DMD: variants seen among roughly 807,000 people sequenced by gnomAD.
The protein encoded by DMD is dystrophin, also known as mutant dystrophin.
A neutral mutation model predicts 330.1 loss-of-function variants in DMD; 63 were observed. The observed-to-expected ratio is 0.19, with a 90% confidence interval of 0.16 to 0.24. DMD has a LOEUF of 0.24. Among genes scored for constraint, DMD ranks in the 10% least tolerant of loss-of-function variants. DMD has a pLI of 1.00. For missense variants in DMD, 3,344 were observed against 2,684.1 expected, an observed-to-expected ratio of 1.25 and a Z score of -5.43; for synonymous variants, 1,223 against 959.8, an observed-to-expected ratio of 1.27 and a Z score of -5.07.
intron 1 of DMD, among the ~76,000 whole-genome samples, chrX:33,144,702 G>T (rs1440732596): frequency 9.0e-6 from 1 of 111,502 alleles, no homozygotes; most frequent in Non-Finnish European, 1.9e-5. Flanking sequence ...GAAAATCAGA[G>T]TTTTCACAGA....
intron 1 of DMD, among the ~76,000 whole-genome samples, chrX:33,309,950 T>C (rs1204810150): frequency 9.0e-6 from 1 of 111,253 alleles, no homozygotes; most frequent in East Asian, 2.8e-4. Context: ...ATTCATTAGC[T>C]ATCATGGTCT....
chrX:31,914,755 AG>A (rs757194796), intron 47 of DMD, among the ~76,000 whole-genome samples: 1 of 112,210 alleles, frequency 8.9e-6, no homozygotes, highest in African/African-American at 3.2e-5. Context: ...GGAGTCGGGG[AG>A]GGGGCAGCGG....
chrX:32,300,415 T>G (rs747839900), intron 42 of DMD, among the ~76,000 whole-genome samples: 59 of 111,177 alleles, frequency 5.3e-4, no homozygotes, highest in African/African-American at 1.9e-3. Context: ...AAAAAGTCCT[T>G]TATTCAGAAT....
chrX:31,298,530 A>C (rs896751502), intron 62 of DMD, among the ~76,000 whole-genome samples: 2 of 111,933 alleles, frequency 1.8e-5, no homozygotes, highest in African/African-American at 6.5e-5. Context: ...AATTCCGTCT[A>C]AACATGAATG....
intron 52 of DMD, among the ~76,000 whole-genome samples, chrX:31,698,000 T>G (rs2083554841): frequency 8.9e-6 from 1 of 112,047 alleles, no homozygotes; most frequent in Non-Finnish European, 1.9e-5. Flanking sequence ...AATTCAATAA[T>G]GAATAAAAGC....
intron 1 of DMD, among the ~76,000 whole-genome samples, chrX:33,182,869 C>T (rs2050067596): frequency 8.9e-6 from 1 of 111,970 alleles, no homozygotes; most frequent in Non-Finnish European, 1.9e-5. Flanking sequence ...TTTTATAAAG[C>T]TGACAATAAG....
chrX:32,862,959 G>A (rs906807356), intron 2 of DMD, among the ~76,000 whole-genome samples: 1 of 110,050 alleles, frequency 9.1e-6, no homozygotes, highest in Non-Finnish European at 1.9e-5. Context: ...GGCTGGTCTC[G>A]ACCTCCTGAC....
intron 21 of DMD, among the ~76,000 whole-genome samples, chrX:32,474,206 C>CACACACACAG (rs1569564345): frequency 3.5e-5 from 1 of 28,569 alleles, no homozygotes; most frequent in African/African-American, 5.9e-5. Context: ...TACATACATA[C>CACACACACAG]ATACACACAC....
intron 63 of DMD, 145 bp downstream of exon 63, chrX:31,260,810 A>G (rs927930937): frequency 1.4e-5 from 7 of 502,125 alleles, no homozygotes; most frequent in African/African-American, 9.6e-5. Flanking sequence ...CTGACTGTCA[A>G]TTTTGGATAG....
intron 7 of DMD, among the ~76,000 whole-genome samples, chrX:32,731,190 T>G (rs1032703709): frequency 8.9e-6 from 1 of 112,206 alleles, no homozygotes; most frequent in East Asian, 2.8e-4. Flanking sequence ...ACCCGAATAC[T>G]GCGTGTTTCC....
At chrX:33,043,196 T>G (rs2094328740) in intron 1 of DMD, among the ~76,000 whole-genome samples, 1 of 111,972 alleles carries the variant, frequency 8.9e-6, no homozygotes, top group South Asian at 3.7e-4. Context: ...AATGTGAACA[T>G]GACAAAAGGC....
At chrX:32,179,979 G>A (rs151268393) in intron 44 of DMD, among the ~76,000 whole-genome samples, 1,450 of 111,791 alleles carry the variant, frequency 0.013, 29 homozygotes, top group Non-Finnish European at 0.019. Flanking sequence ...CCAGTCTTGG[G>A]TATTTCTTCA....
At chrX:33,333,246 T>C (rs1467910137) in intron 1 of DMD, among the ~76,000 whole-genome samples, 2 of 111,741 alleles carry the variant, frequency 1.8e-5, no homozygotes, top group Non-Finnish European at 3.8e-5. Context: ...AAAACTTTAC[T>C]TGTATGTTGG....
intron 59 of DMD, among the ~76,000 whole-genome samples, chrX:31,453,838 A>G (rs1242987603): frequency 9.1e-6 from 1 of 109,631 alleles, no homozygotes; most frequent in African/African-American, 3.3e-5. Context: ...AACAAATAAA[A>G]AGATAGTTCA....
chrX:32,127,709 A>C (rs2096668603), intron 44 of DMD, among the ~76,000 whole-genome samples: 1 of 111,999 alleles, frequency 8.9e-6, no homozygotes, highest in African/African-American at 3.2e-5. Flanking sequence ...CCGATAAATA[A>C]ATTTTCCTCA....
chrX:31,746,304 C>T (rs1403454514), intron 51 of DMD, among the ~76,000 whole-genome samples: 1 of 111,415 alleles, frequency 9.0e-6, no homozygotes, highest in Non-Finnish European at 1.9e-5. Context: ...CACTCATGAA[C>T]ACAGTTAATC....
At chrX:31,317,499 AAATGAGGAAATTTTTTT>A (rs991464507) in intron 62 of DMD, among the ~76,000 whole-genome samples, 5 of 102,540 alleles carry the variant, frequency 4.9e-5, no homozygotes, top group South Asian at 4.2e-4. Flanking sequence ...CTGGAATAAG[AAATGAGGAAATTTTTTT>A]TTTTTTTTTT....
At chrX:32,093,713 T>C (rs1182383539) in intron 44 of DMD, among the ~76,000 whole-genome samples, 1 of 111,226 alleles carries the variant, frequency 9.0e-6, no homozygotes, top group Non-Finnish European at 1.9e-5. Flanking sequence ...ATACTTTGAT[T>C]CCTCTATTTC....
At chrX:31,956,814 GA>G (rs2095250679) in intron 45 of DMD, among the ~76,000 whole-genome samples, 1 of 112,303 alleles carries the variant, frequency 8.9e-6, no homozygotes. Context: ...CAAGAAAGGG[GA>G]AGTAAGAGAC....
Sources: gnomAD v4.1 joint callset for allele counts (sites outside exome capture counted in the v4.1 genomes callset) on GRCh38, gnomAD v4.1.1 for gene constraint, MANE v1.5 for transcripts, NCBI Gene and HGNC (gene_info 2026-07-23, HGNC 2026-07-21) for gene names.